The following IGF1 variants were observed in gnomAD, a reference collection of about 807,000 sequenced individuals.
IGF1 encodes the protein insulin-like growth factor 1.
Under a neutral mutation model 13.8 loss-of-function variants are expected in IGF1, and 4 were observed. The observed-to-expected ratio is 0.29, with a 90% CI of 0.14 to 0.66. The LOEUF (loss-of-function observed/expected upper bound fraction) is 0.66, where lower values mean the gene tolerates loss of function less well. IGF1 is among the 30% of genes least tolerant of loss of function. The probability of loss-of-function intolerance (pLI) is 0.78; values close to 1 mark genes in which losing one functional copy is unlikely to be tolerated. For synonymous variants in IGF1, 76 were observed against 72.6 expected (o/e 1.05, Z -0.23); for missense variants, 124 against 188.5 (o/e 0.66, Z 2.00).
chr12:102,432,259 T>A (rs1465880112), intron 2 of IGF1, among the ~76,000 whole-genome samples: 1 of 152,194 alleles, frequency 6.6e-6, no homozygotes, highest in African/African-American at 2.4e-5. Context: ...TTTTACTGAG[T>A]AGATATGCCA....
intron 2 of IGF1, among the ~76,000 whole-genome samples, chr12:102,449,467 A>G (rs1234536119): frequency 6.6e-6 from 1 of 151,998 alleles, no homozygotes; most frequent in African/African-American, 2.4e-5. Context: ...TGGGTGCAGT[A>G]AACCACAATG....
At chr12:102,414,234 A>G (rs1288240689) in intron 3 of IGF1, among the ~76,000 whole-genome samples, 1 of 151,980 alleles carries the variant, frequency 6.6e-6, no homozygotes, top group East Asian at 1.9e-4. Context: ...CACAATCTCA[A>G]TAAACCCTCA....
rs188549885 is a variant in IGF1, at chr12:102,473,557, A to G, written c.220+2086T>C. Among the ~76,000 whole-genome samples the G allele has an allele frequency of 8.5e-5, 13 of 152,354 alleles. No homozygotes were observed. The East Asian group carries it at 1.5e-3, about 18-fold the overall frequency. On this transcript the variant is annotated intron_variant, in intron 2 of 3. Coordinates refer to ENST00000337514, the MANE Select transcript of IGF1 (RefSeq NM_000618.5). ...GGATTAACATAAGTCATGGAATTCTATAAGGCAAAACTCATGACACACATA... is the reference window on the plus strand; with the variant it reads ...GGATTAACATAAGTCATGGAATTCTGTAAGGCAAAACTCATGACACACATA...
intron 2 of IGF1, among the ~76,000 whole-genome samples, chr12:102,437,254 G>C (rs888442253): frequency 6.6e-6 from 1 of 152,164 alleles, no homozygotes; most frequent in Non-Finnish European, 1.5e-5. Flanking sequence ...CGGCCACCTC[G>C]GGACTCTGCA....
intron 2 of IGF1, among the ~76,000 whole-genome samples, chr12:102,440,296 T>C (rs1185321796): frequency 6.6e-6 from 1 of 152,178 alleles, no homozygotes; most frequent in African/African-American, 2.4e-5. Flanking sequence ...TTGGTCCTGA[T>C]GGGCCTCCCC....
chr12:102,425,581 T>G (rs899059450), intron 2 of IGF1, among the ~76,000 whole-genome samples: 2 of 152,186 alleles, frequency 1.3e-5, no homozygotes, highest in Non-Finnish European at 2.9e-5. Flanking sequence ...GGGCTGCCCC[T>G]TTGTTGAAAG....
intron 2 of IGF1, among the ~76,000 whole-genome samples, chr12:102,470,420 C>A (rs1880611826): frequency 6.6e-6 from 1 of 152,304 alleles, no homozygotes; most frequent in East Asian, 1.9e-4. Flanking sequence ...TCTAATTTTG[C>A]ATCATTTTCT....
intron 2 of IGF1, among the ~76,000 whole-genome samples, chr12:102,433,319 C>T (rs1009629610): frequency 6.6e-5 from 10 of 152,192 alleles, no homozygotes; most frequent in Non-Finnish European, 1.5e-4. Flanking sequence ...CAGAAAAAAA[C>T]AGGATAACAG....
At chr12:102,434,798 T>C (rs1032168628) in intron 2 of IGF1, among the ~76,000 whole-genome samples, 1 of 151,448 alleles carries the variant, frequency 6.6e-6, no homozygotes, top group Middle Eastern at 3.4e-3. Flanking sequence ...CCACATCCTC[T>C]CCAGCACCTG....
At chr12:102,431,662 A>C (rs1370886563) in intron 2 of IGF1, among the ~76,000 whole-genome samples, 1 of 152,172 alleles carries the variant, frequency 6.6e-6, no homozygotes, top group Non-Finnish European at 1.5e-5. Flanking sequence ...CTGGTGATGA[A>C]GAACTCTGAA....
chr12:102,478,389 A>G (rs1050677110), intron 1 of IGF1: 7 of 751,894 alleles, frequency 9.3e-6, no homozygotes, highest in Non-Finnish European at 1.3e-5. Context: ...TTTTTTTTTA[A>G]TCTTAGATAA....
At chr12:102,441,936 T>TCTCCTTCTCCTTCTCCTTCTC (rs1877829579) in intron 2 of IGF1, among the ~76,000 whole-genome samples, 1 of 136,104 alleles carries the variant, frequency 7.3e-6, no homozygotes, top group Non-Finnish European at 1.6e-5. Flanking sequence ...TTCTTCTTCT[T>TCTCCTTCTCCTTCTCCTTCTC]CTTCTTCTTC....
intron 2 of IGF1, among the ~76,000 whole-genome samples, chr12:102,451,539 A>G (rs1399819599): frequency 6.6e-6 from 1 of 152,246 alleles, no homozygotes; most frequent in Non-Finnish European, 1.5e-5. Flanking sequence ...GATGATGAAA[A>G]GAAGAGAAAG....
chr12:102,463,811 TG>T (rs1880104736), intron 2 of IGF1, among the ~76,000 whole-genome samples: 1 of 152,220 alleles, frequency 6.6e-6, no homozygotes, highest in Non-Finnish European at 1.5e-5. Context: ...GGACCAAGCA[TG>T]AGGTGACTGA....
intron 1 of IGF1, among the ~76,000 whole-genome samples, chr12:102,479,794 C>A (rs1881293125): frequency 1.3e-5 from 2 of 152,088 alleles, no homozygotes; most frequent in Non-Finnish European, 2.9e-5. Context: ...AGTTCCGGGA[C>A]CTTAGCTCCA....
chr12:102,436,992 C>A (rs540880263), intron 2 of IGF1, among the ~76,000 whole-genome samples: 1 of 152,240 alleles, frequency 6.6e-6, no homozygotes, highest in South Asian at 2.1e-4. Context: ...TTAGAGCATT[C>A]CTCCAGGCCC....
At chr12:102,411,392 G>A (rs1005355725) in intron 3 of IGF1, among the ~76,000 whole-genome samples, 11 of 152,142 alleles carry the variant, frequency 7.2e-5, no homozygotes, top group African/African-American at 9.7e-5. Flanking sequence ...AACTAAAGCC[G>A]TGAAAATAGC....
At chr12:102,413,719 A>G (rs1339489861) in intron 3 of IGF1, among the ~76,000 whole-genome samples, 1 of 152,244 alleles carries the variant, frequency 6.6e-6, no homozygotes, top group Non-Finnish European at 1.5e-5. Context: ...TACTACAATT[A>G]AATTTTCCCC....
intron 1 of IGF1, among the ~76,000 whole-genome samples, chr12:102,478,204 T>C (rs577801430): frequency 6.6e-6 from 1 of 151,982 alleles, no homozygotes; most frequent in South Asian, 2.1e-4. Context: ...TGGTCCCATA[T>C]GTTCATTATT....
Sources: allele counts gnomAD v4.1 joint callset (sites outside exome capture counted in the v4.1 genomes callset), GRCh38; gene constraint gnomAD v4.1.1; transcripts MANE v1.5; gene names NCBI Gene and HGNC (gene_info 2026-07-23, HGNC 2026-07-21).